The following ZIM2 variants were observed in gnomAD, a reference collection of about 807,000 sequenced individuals.
The protein encoded by ZIM2 is zinc finger protein 656.
In ZIM2, 14 loss-of-function variants were observed where a neutral mutation model predicts 38.6. That is an observed-to-expected ratio of 0.36 (90% CI 0.24 to 0.57). The LOEUF (loss-of-function observed/expected upper bound fraction) is 0.57. Ranked by LOEUF, ZIM2 falls within the 20% of genes least tolerant of loss-of-function variation. The pLI is 0.81. For synonymous variants in ZIM2, 247 were observed against 245.8 expected (o/e 1.00, Z -0.04); for missense variants, 680 against 695.1 (o/e 0.98, Z 0.24).
At chr19:56,806,537 G>A (rs2047764386) in intron 9 of ZIM2, among the ~76,000 whole-genome samples, 1 of 152,182 alleles carries the variant, frequency 6.6e-6, no homozygotes, top group African/African-American at 2.4e-5. Context: ...AAGGGAAGCT[G>A]AGAAAATATT....
chr19:56,802,497 A>G (rs1191462528), intron 9 of ZIM2, among the ~76,000 whole-genome samples: 1 of 152,210 alleles, frequency 6.6e-6, no homozygotes, highest in African/African-American at 2.4e-5. Context: ...TTAAGAAATC[A>G]AATGGAAAAT....
chr19:56,818,469 T>G, intron 8 of ZIM2, 131 bp downstream of exon 8: 1 of 996,916 alleles, frequency 1.0e-6, no homozygotes, highest in Middle Eastern at 2.9e-4. Flanking sequence ...TTGAAATCTT[T>G]CAAAGATTTC....
chr19:56,796,980 T>C (rs2047263640), intron 9 of ZIM2, among the ~76,000 whole-genome samples: 1 of 152,070 alleles, frequency 6.6e-6, no homozygotes, highest in Admixed American at 6.6e-5. Flanking sequence ...GCTGAAAGCA[T>C]GACAAAATTT....
intron 9 of ZIM2, chr19:56,810,294 G>A (rs886726086): frequency 5.1e-5 from 50 of 972,018 alleles, no homozygotes; most frequent in Non-Finnish European, 6.1e-5. Flanking sequence ...CATATATAAT[G>A]GAAATATATG....
chr19:56,825,699 T>C (rs1375265202), intron 3 of ZIM2, among the ~76,000 whole-genome samples: 3 of 152,124 alleles, frequency 2.0e-5, no homozygotes, highest in Non-Finnish European at 4.4e-5. Context: ...GGGAAAGAAA[T>C]CTAGGTCTGG....
At chr19:56,831,705 C>T (rs2061583888) in intron 2 of ZIM2, among the ~76,000 whole-genome samples, 1 of 152,222 alleles carries the variant, frequency 6.6e-6, no homozygotes, top group Admixed American at 6.5e-5. Context: ...AGGAATGTTA[C>T]AGCTTTATTT....
At chr19:56,783,503 A>G (rs1000919114) in intron 10 of ZIM2, among the ~76,000 whole-genome samples, 8 of 152,256 alleles carry the variant, frequency 5.3e-5, no homozygotes, top group Non-Finnish European at 1.2e-4. Context: ...TGTCCTCTGC[A>G]GCAACCGGAA....
At chr19:56,821,017 TC>T (rs1247601902) in intron 7 of ZIM2, among the ~76,000 whole-genome samples, 1 of 152,224 alleles carries the variant, frequency 6.6e-6, no homozygotes, top group Non-Finnish European at 1.5e-5. Context: ...ACATTTTTTT[TC>T]CCTTCATGAA....
chr19:56,831,119 C>A (rs1037296743), intron 2 of ZIM2, among the ~76,000 whole-genome samples: 1 of 152,000 alleles, frequency 6.6e-6, no homozygotes, highest in East Asian at 1.9e-4. Flanking sequence ...TCAAGACAAC[C>A]CTGCATAAGG....
chr19:56,810,401 T>C, intron 9 of ZIM2: 4 of 985,366 alleles, frequency 4.1e-6, no homozygotes, highest in Non-Finnish European at 4.8e-6. Context: ...AACTATTTCT[T>C]GTTTTTCATC....
rs1374210379 is a variant in ZIM2 at position 56,789,889 on chromosome 19, G to A, written c.553C>T (p.Pro185Ser). 3 of 1,576,490 alleles carry A rather than the reference G, an allele frequency of 1.9e-6. No homozygotes were observed. The change falls in exon 10 of 13, where the codon CCA becomes TCA. Residue 185 changes from proline to serine, a missense_variant. Physicochemically the swap from Pro to Ser is moderately conservative, Grantham distance 74. Coordinates refer to ENST00000629319, the MANE Select transcript of ZIM2 (RefSeq NM_001387356.1). ...TGACTCACCTGGGACCCAGCAGATG[G>A]CAGATTGTCTAACATCTCTGTGTTC... ...KRNTEMLDNLPSAGSQFPDFK... is the reference protein window; with the variant it reads ...KRNTEMLDNLSSAGSQFPDFK...
chr19:56,804,629 C>G (rs2047673266), intron 9 of ZIM2, among the ~76,000 whole-genome samples: 1 of 152,184 alleles, frequency 6.6e-6, no homozygotes, highest in Admixed American at 6.5e-5. Flanking sequence ...GAAACTGAGA[C>G]AAGAAAGCTT....
chr19:56,815,996 G>C, intron 9 of ZIM2: 2 of 1,587,988 alleles, frequency 1.3e-6, no homozygotes, highest in South Asian at 2.3e-5. Context: ...CGAACTCTCT[G>C]ATGGTTGATA....
chr19:56,823,707 TATCTCTGGCCC>T, intron 4 of ZIM2, 28 bp from the exon 5 acceptor site: 1 of 1,612,992 alleles, frequency 6.2e-7, no homozygotes, highest in Non-Finnish European at 8.5e-7. Context: ...GCCAAGTTAC[TATCTCTGGCCC>T]ACATTCTCAC....
intron 3 of ZIM2, among the ~76,000 whole-genome samples, chr19:56,825,216 C>G (rs777518900): frequency 1.3e-5 from 2 of 152,196 alleles, no homozygotes; most frequent in Non-Finnish European, 2.9e-5. Flanking sequence ...CAAATCCTCC[C>G]CTAACATTTC....
In ZIM2 at chr19:56,814,296, T is replaced by G; in HGVS notation, c.490+3450A>C. The G allele has an allele frequency of 6.2e-7, 1 of 1,614,020 alleles. No individual in the cohort carries two copies. Among genetic ancestry groups the G allele is most frequent in the Non-Finnish European group, 8.5e-7 (1 of 1,180,022 alleles). On this transcript the variant is annotated intron_variant, in intron 9 of 12. Transcript: ENST00000629319. This position sits in a 1 kb window ranked among gnomAD's most constrained non-coding sequence, Gnocchi z 5.8. ...TTAAGCCCTGAATCCTCAGAACTAC[T>G]TGTGGAACATGGACATTGGCTTCAA...
intron 9 of ZIM2, chr19:56,817,173 T>C (rs755948976): frequency 3.7e-5 from 59 of 1,614,094 alleles, no homozygotes; most frequent in Non-Finnish European, 4.7e-5. Context: ...TCATGGCTTT[T>C]CTCATCTCAC....
chr19:56,829,335 C>T (rs1235472913), intron 2 of ZIM2, among the ~76,000 whole-genome samples: 1 of 140,540 alleles, frequency 7.1e-6, no homozygotes, highest in Non-Finnish European at 1.5e-5. Flanking sequence ...CAGAGCGAGA[C>T]TCCATCTCAA....
chr19:56,812,619 AAAGG>A (rs751261580), intron 9 of ZIM2: 52 of 985,730 alleles, frequency 5.3e-5, no homozygotes, highest in Non-Finnish European at 6.3e-5. Flanking sequence ...GGAAGCGCAC[AAAGG>A]AAGTGATGAA....
Sources: gnomAD v4.1 joint callset for allele counts (sites outside exome capture counted in the v4.1 genomes callset) on GRCh38, gnomAD v4.1.1 for gene constraint, Gnocchi (gnomAD v3.1) non-coding constraint, MANE v1.5 for transcripts, NCBI Gene and HGNC (gene_info 2026-07-23, HGNC 2026-07-21) for gene names.